Variants in CDK6 observed in about 807,000 individuals in gnomAD.
The protein encoded by CDK6 is cyclin dependent kinase 6, also known as cyclin-dependent kinase 6.
A neutral mutation model predicts 37.1 loss-of-function variants in CDK6; 6 were observed. The observed-to-expected ratio is 0.16, with a 90% CI of 0.09 to 0.32. The LOEUF (loss-of-function observed/expected upper bound fraction) is 0.32. Ranked by LOEUF, CDK6 falls within the 10% of genes least tolerant of loss-of-function variation. CDK6 has a pLI of 1.00. For missense variants in CDK6, 224 were observed against 418.9 expected (o/e 0.53, Z 4.06); for synonymous variants, 160 against 161.3 (o/e 0.99, Z 0.06).
intron 3 of CDK6, among the ~76,000 whole-genome samples, chr7:92,751,205 T>C (rs1240277699): frequency 6.6e-6 from 1 of 152,188 alleles, no homozygotes; most frequent in African/African-American, 2.4e-5. Flanking sequence ...TCCTTTGTTC[T>C]CAAATAAAGG....
At position 92,833,378 on chromosome 7, in the gene CDK6, A is replaced by C; in HGVS notation, c.-55T>G. The C allele has an allele frequency of 7.7e-7, 1 of 1,301,036 alleles. No individual in the cohort carries two copies. The highest frequency in any genetic ancestry group is 1.0e-6 in the Non-Finnish European group (1 of 960,666). 80.6% of individuals were successfully genotyped at this position (1,301,036 alleles called of 1,614,324 possible). A position where few individuals can be genotyped will look rare whatever the true frequency, so the allele number is the denominator to read the frequency against. ...GCTGGGGCGGGCGGGGGGTGCGCTC[A>C]ACTAGCTGGCGGCCGCCGCTCGCCT... On this transcript the variant is annotated 5_prime_UTR_variant, in exon 2 of 8. Transcript: ENST00000424848. The surrounding 1 kb of genome is among the most constrained non-coding windows in gnomAD (Gnocchi z 6.1).
intron 4 of CDK6, among the ~76,000 whole-genome samples, chr7:92,672,140 T>C (rs949839960): frequency 2.7e-5 from 3 of 109,484 alleles, no homozygotes; most frequent in African/African-American, 1.1e-4. Flanking sequence ...TGTACATATA[T>C]ATATATATAT....
chr7:92,822,445 T>A (rs1287831755), intron 2 of CDK6, among the ~76,000 whole-genome samples: 1 of 152,108 alleles, frequency 6.6e-6, no homozygotes, highest in African/African-American at 2.4e-5. Flanking sequence ...TCTAATAAAT[T>A]GTAGTGTTAA....
At chr7:92,621,449 A>T (rs983495689) in intron 6 of CDK6, among the ~76,000 whole-genome samples, 1 of 152,192 alleles carries the variant, frequency 6.6e-6, no homozygotes, top group South Asian at 2.1e-4. Flanking sequence ...GGGCACTAAC[A>T]ATGTTAACAA....
intron 5 of CDK6, among the ~76,000 whole-genome samples, chr7:92,630,384 T>G (rs976182445): frequency 6.6e-6 from 1 of 152,008 alleles, no homozygotes; most frequent in Non-Finnish European, 1.5e-5. Flanking sequence ...GGGAAAGAAA[T>G]GATGATGTAT....
chr7:92,713,682 A>G (rs566180747), intron 4 of CDK6, among the ~76,000 whole-genome samples: 2 of 151,702 alleles, frequency 1.3e-5, no homozygotes, highest in South Asian at 4.1e-4. Context: ...AAAAAAAAAA[A>G]AAAAAAGAAC....
chr7:92,716,477 G>T lies in CDK6; in HGVS notation c.537+9149C>A, dbSNP rs373910483. 1.2e-3 allele frequency among the ~76,000 whole-genome samples: 188 copies of T among 152,254 alleles called. 1 individual carries two copies. Among genetic ancestry groups the T allele is most frequent in the African/African-American group, 4.4e-3 (184 of 41,534 alleles). On this transcript the variant is annotated intron_variant, in intron 4 of 7. Coordinates refer to ENST00000424848, the MANE Select transcript of CDK6 (RefSeq NM_001145306.2). ...CAAGTGCCCACCTCGTGCAAGGAAG[G>T]CACTGTAGGAAATGCTAAAATACAT...
At chr7:92,745,685 G>C (rs1440169452) in intron 3 of CDK6, among the ~76,000 whole-genome samples, 1 of 152,184 alleles carries the variant, frequency 6.6e-6, no homozygotes, top group East Asian at 1.9e-4. Flanking sequence ...GAGTATTTGA[G>C]TTTGAAAATA....
intron 2 of CDK6, among the ~76,000 whole-genome samples, chr7:92,828,970 T>A (rs951705290): frequency 6.6e-6 from 1 of 152,190 alleles, no homozygotes; most frequent in Non-Finnish European, 1.5e-5. Flanking sequence ...ATTAAACTCC[T>A]GCTTTTCCTG....
At chr7:92,628,471 C>A (rs1437093897) in intron 5 of CDK6, among the ~76,000 whole-genome samples, 1 of 152,106 alleles carries the variant, frequency 6.6e-6, no homozygotes, top group Non-Finnish European at 1.5e-5. Flanking sequence ...ATTCTGTATT[C>A]AGAGTACTGA....
At chr7:92,645,292 T>C (rs2116544760) in intron 5 of CDK6, among the ~76,000 whole-genome samples, 1 of 152,358 alleles carries the variant, frequency 6.6e-6, no homozygotes, top group Middle Eastern at 3.4e-3. Context: ...CTTTCCTGCT[T>C]TTTAAAGGCC....
At chr7:92,819,071 T>C (rs556979904) in intron 2 of CDK6, among the ~76,000 whole-genome samples, 1 of 152,172 alleles carries the variant, frequency 6.6e-6, no homozygotes, top group East Asian at 1.9e-4. Flanking sequence ...GTATTTACCA[T>C]ACAAATGAAG....
At chr7:92,717,304 T>C (rs1798250927) in intron 4 of CDK6, among the ~76,000 whole-genome samples, 1 of 151,178 alleles carries the variant, frequency 6.6e-6, no homozygotes, top group Non-Finnish European at 1.5e-5. Context: ...ACTGTGCCAT[T>C]GCACTCTAGC....
intron 5 of CDK6, among the ~76,000 whole-genome samples, chr7:92,635,867 C>T (rs1235574572): frequency 1.3e-5 from 2 of 151,992 alleles, no homozygotes; most frequent in African/African-American, 4.8e-5. Context: ...AAATGCGTTT[C>T]CTTATTTAGG....
intron 3 of CDK6, among the ~76,000 whole-genome samples, chr7:92,751,129 GAAC>G (rs1272376357): frequency 6.6e-6 from 1 of 152,062 alleles, no homozygotes; most frequent in African/African-American, 2.4e-5. Context: ...TTGCCAAGAG[GAAC>G]AACGTCATAT....
intron 5 of CDK6, among the ~76,000 whole-genome samples, chr7:92,629,838 TG>T (rs1796013665): frequency 6.6e-6 from 1 of 152,138 alleles, no homozygotes; most frequent in Non-Finnish European, 1.5e-5. Context: ...GGTGCTAGCA[TG>T]GTAACTCAAC....
Position 92,607,756 on chromosome 7 carries a change from G to C in CDK6, c.*7384C>G. On this transcript the variant is annotated 3_prime_UTR_variant, in exon 8 of 8. Transcript: ENST00000424848. ...CCCGCCTGTCAGGTGCTGTTCCTGG[G>C]GGTAGCTGATGCTATAAATTCCATG... 4.3e-6 allele frequency: 1 copy of C among 231,972 alleles called. No homozygotes were observed. The highest frequency in any genetic ancestry group is 1.3e-3 in the Middle Eastern group (1 of 778). 14.4% of individuals were successfully genotyped at this position (231,972 alleles called of 1,614,324 possible). A position where few individuals can be genotyped will look rare whatever the true frequency, so the allele number is the denominator to read the frequency against.
chr7:92,816,981 A>G (rs918040882), intron 2 of CDK6, among the ~76,000 whole-genome samples: 1 of 152,014 alleles, frequency 6.6e-6, no homozygotes, highest in African/African-American at 2.4e-5. Flanking sequence ...CCCTTGAAAA[A>G]TACAAAATTA....
At chr7:92,717,806 TTAGA>T (rs749855378) in intron 4 of CDK6, among the ~76,000 whole-genome samples, 4 of 152,178 alleles carry the variant, frequency 2.6e-5, no homozygotes, top group Non-Finnish European at 2.9e-5. Context: ...CTTGGTGCAA[TTAGA>T]TAGCCACATG....
Sources: allele counts gnomAD v4.1 joint callset (sites outside exome capture counted in the v4.1 genomes callset), GRCh38; gene constraint gnomAD v4.1.1; non-coding constraint Gnocchi (gnomAD v3.1); transcripts MANE v1.5; gene names NCBI Gene and HGNC (gene_info 2026-07-23, HGNC 2026-07-21).